Variants in KPNB1 observed in about 807,000 individuals in gnomAD.
KPNB1 encodes the protein karyopherin subunit beta 1.
Under a neutral mutation model 113.0 loss-of-function variants are expected in KPNB1, and 7 were observed. The observed-to-expected ratio is 0.06, with a 90% CI of 0.04 to 0.12. The LOEUF is 0.12. Among genes scored for constraint, KPNB1 ranks in the 10% least tolerant of loss-of-function variants. The probability of loss-of-function intolerance (pLI) is 1.00; values close to 1 mark genes in which losing one functional copy is unlikely to be tolerated. For synonymous variants in KPNB1, 363 were observed against 378.6 expected, an observed-to-expected ratio of 0.96 and a Z score of 0.48; for missense variants, 400 against 1,054.8, an observed-to-expected ratio of 0.38 and a Z score of 8.60.
intron 5 of KPNB1, 108 bp from the exon 6 acceptor site, chr17:47,661,011 T>TG (rs2030076008): frequency 1.3e-6 from 1 of 795,768 alleles, no homozygotes; most frequent in East Asian, 2.6e-5. Context: ...CAGGGCTGTG[T>TG]GGGGCCCTGA....
intron 8 of KPNB1, among the ~76,000 whole-genome samples, chr17:47,664,767 C>CTTTT (rs930119529): frequency 6.6e-6 from 1 of 152,032 alleles, no homozygotes; most frequent in Non-Finnish European, 1.5e-5. Flanking sequence ...TTTAGGCAAA[C>CTTTT]TGAGTGTGTG....
At chr17:47,675,266 T>C (rs192004895) in intron 15 of KPNB1, among the ~76,000 whole-genome samples, 125 of 152,196 alleles carry the variant, frequency 8.2e-4, no homozygotes, top group Non-Finnish European at 1.3e-3. Flanking sequence ...CAAAGTTAGA[T>C]TGAACTTAAG....
intron 20 of KPNB1, 75 bp downstream of exon 20, chr17:47,680,209 T>A: frequency 9.2e-7 from 1 of 1,083,012 alleles, no homozygotes; most frequent in Non-Finnish European, 1.4e-6. Flanking sequence ...TAAGGAGTTT[T>A]GAGAGTATCG....
chr17:47,678,057 C>G lies in KPNB1; in HGVS notation c.2115C>G (p.Val705=). 6.2e-7 allele frequency: 1 copy of G among 1,614,140 alleles called. No individual in the cohort carries two copies. Among genetic ancestry groups the G allele is most frequent in the Non-Finnish European group, 8.5e-7 (1 of 1,179,962 alleles). ...LLLENLGNEN[V]HRSVKPQILS... ...TTGTTCCTTGTCAGAATGAGAACGTCCACAGGTCTGTGAAGCCGCAGATTC... is the reference window on the plus strand; with the variant it reads ...TTGTTCCTTGTCAGAATGAGAACGTGCACAGGTCTGTGAAGCCGCAGATTC... The change falls in exon 18 of 22, where the codon GTC becomes GTG. Residue 705 remains valine, a synonymous_variant. Coordinates refer to ENST00000290158, the MANE Select transcript of KPNB1 (RefSeq NM_002265.6).
intron 2 of KPNB1, among the ~76,000 whole-genome samples, chr17:47,652,225 T>C (rs1048697075): frequency 6.6e-6 from 1 of 152,188 alleles, no homozygotes; most frequent in African/African-American, 2.4e-5. Flanking sequence ...ATCATTCTTT[T>C]GGGACCAAGG....
chr17:47,666,401 TG>T (rs1397867257), intron 9 of KPNB1, among the ~76,000 whole-genome samples: 1 of 145,330 alleles, frequency 6.9e-6, no homozygotes, highest in African/African-American at 2.5e-5. Context: ...CTTTTGTGTG[TG>T]TGTGTGTGTG....
chr17:47,661,295 T>C (rs1204246289), intron 6 of KPNB1, 117 bp downstream of exon 6: 2 of 788,786 alleles, frequency 2.5e-6, no homozygotes, highest in African/African-American at 1.7e-5. Flanking sequence ...TTGATTAATA[T>C]TGTTACTAAT....
intron 9 of KPNB1, among the ~76,000 whole-genome samples, chr17:47,665,772 C>G (rs2030247537): frequency 6.6e-6 from 1 of 152,154 alleles, no homozygotes; most frequent in Non-Finnish European, 1.5e-5. Flanking sequence ...CTTTTGTTCT[C>G]CTGACTTGAT....
intron 12 of KPNB1, among the ~76,000 whole-genome samples, chr17:47,671,217 A>G (rs1384482773): frequency 6.6e-6 from 1 of 152,190 alleles, no homozygotes; most frequent in Non-Finnish European, 1.5e-5. Context: ...AGACTGCGCC[A>G]TTGCACTCCA....
Position 47,669,665 on chromosome 17 carries a change from G to A in KPNB1, c.1225-13G>A. The A allele has an allele frequency of 1.3e-6, 2 of 1,569,104 alleles. No individual in the cohort carries two copies. The highest frequency in any genetic ancestry group is 1.8e-6 in the Non-Finnish European group (2 of 1,141,976). On this transcript the variant is annotated splice_polypyrimidine_tract_variant and intron_variant, in intron 10 of 21. Coordinates refer to ENST00000290158, the MANE Select transcript of KPNB1 (RefSeq NM_002265.6). ...TCTTTGTTTTGCTTTGCTAATAACT[G>A]TTATATTTTCAGGCTATGCCCACCC...
At chr17:47,664,980 T>A in intron 8 of KPNB1, 77 bp from the exon 9 acceptor site, 1 of 963,166 alleles carries the variant, frequency 1.0e-6, no homozygotes, top group Admixed American at 1.8e-5. Flanking sequence ...AAGAGATCCC[T>A]GTTCGGCTCT....
In KPNB1 at chr17:47,650,580, C is replaced by T. The variant is rs1433180793; in HGVS notation, c.99+136C>T. The T allele has an allele frequency of 3.2e-5, 24 of 761,024 alleles. No individual in the cohort carries two copies. In the Admixed American group the frequency reaches 3.2e-4, roughly 10 times the overall value. 47.1% of individuals were successfully genotyped at this position (761,024 alleles called of 1,614,324 possible). The stretch of plus-strand genomic sequence containing the variant: ...TCCCCCTCCCCCCTCCCCCTCCCCC[C>T]CCAACCCGGTCCAACCTAACCCCGC... On this transcript the variant is annotated intron_variant, in intron 2 of 21. Coordinates refer to ENST00000290158, the MANE Select transcript of KPNB1 (RefSeq NM_002265.6).
At chr17:47,663,309 C>T (rs556804258) in intron 7 of KPNB1, 131 bp downstream of exon 7, 244 of 605,372 alleles carry the variant, frequency 4.0e-4, no homozygotes, top group Middle Eastern at 1.1e-3. Context: ...CGAGACTGTT[C>T]GGTTTAAGCT....
At chr17:47,653,716 C>T (rs186967085) in intron 3 of KPNB1, among the ~76,000 whole-genome samples, 1 of 152,312 alleles carries the variant, frequency 6.6e-6, no homozygotes, top group East Asian at 1.9e-4. Flanking sequence ...ATCATACTTG[C>T]TATTTCCTGG....
At position 47,658,673 on chromosome 17, in the gene KPNB1, AC is replaced by A. The variant is rs750902876; in HGVS notation, c.636+14del. The A allele has an allele frequency of 1.9e-6, 3 of 1,609,760 alleles. No individual in the cohort carries two copies. The highest frequency in any genetic ancestry group is 4.5e-5 in the East Asian group (2 of 44,840). ...CTTTGATAAAGAGGTAAGTTTTTTG[AC>A]AATAAGGTATAGATTCAGACAGTAA... On this transcript the variant is annotated intron_variant, in intron 5 of 21. Transcript: ENST00000290158.
intron 6 of KPNB1, chr17:47,662,187 G>C (rs1274389415): frequency 6.6e-6 from 1 of 152,326 alleles, no homozygotes; most frequent in East Asian, 1.9e-4. Flanking sequence ...CTGTAATCCA[G>C]CTACTCAGGA....
chr17:47,675,361 G>GTTTTTTGTT (rs2030568899), intron 15 of KPNB1, among the ~76,000 whole-genome samples: 4 of 88,692 alleles, frequency 4.5e-5, no homozygotes, highest in Non-Finnish European at 6.9e-5. Context: ...CAGAGGTGTT[G>GTTTTTTGTT]TTTTTTTTTT....
chr17:47,680,843 A>C (rs1257260380), intron 21 of KPNB1, among the ~76,000 whole-genome samples, 174 bp downstream of exon 21: 4 of 151,910 alleles, frequency 2.6e-5, no homozygotes, highest in Non-Finnish European at 5.9e-5. Context: ...CAAATGTTTG[A>C]CTCCTCATAG....
At chr17:47,670,618 G>GC in intron 11 of KPNB1, 84 bp from the exon 12 acceptor site, 1 of 1,436,040 alleles carries the variant, frequency 7.0e-7, no homozygotes, top group Non-Finnish European at 9.4e-7. Context: ...CACTGACACG[G>GC]CCCAAAGTAT....
Sources: allele counts gnomAD v4.1 joint callset (sites outside exome capture counted in the v4.1 genomes callset), GRCh38; gene constraint gnomAD v4.1.1; transcripts MANE v1.5; gene names NCBI Gene and HGNC (gene_info 2026-07-23, HGNC 2026-07-21).